Variants in MED15 observed in about 807,000 individuals in gnomAD.
The protein encoded by MED15 is mediator of RNA polymerase II transcription subunit 15.
MED15 carries 41 observed loss-of-function variants against 118.7 expected under a neutral mutation model. The ratio of observed to expected loss-of-function variants is 0.35; its 90% CI spans 0.27 to 0.45. The LOEUF is 0.45. Ranked by LOEUF, MED15 falls within the 20% of genes least tolerant of loss-of-function variation. The pLI is 1.00. For missense variants in MED15, 740 were observed against 1,025.5 expected (o/e 0.72, Z 3.80); for synonymous variants, 436 against 413.9 (o/e 1.05, Z -0.65).
intron 5 of MED15, among the ~76,000 whole-genome samples, chr22:20,562,478 G>A (rs1019035234): frequency 1.6e-4 from 24 of 152,030 alleles, no homozygotes; most frequent in Non-Finnish European, 2.2e-4. Context: ...TCTGCCTCCC[G>A]GGTTCAAGCA....
chr22:20,563,539 C>CA (rs1323095684), intron 5 of MED15, among the ~76,000 whole-genome samples: 5 of 152,188 alleles, frequency 3.3e-5, no homozygotes, highest in Middle Eastern at 3.2e-3. Flanking sequence ...AGAGAGGTGG[C>CA]AACACGAGGG....
At chr22:20,569,370 T>A (rs776873720) in intron 8 of MED15, among the ~76,000 whole-genome samples, 12 of 152,202 alleles carry the variant, frequency 7.9e-5, no homozygotes, top group Non-Finnish European at 1.5e-4. Flanking sequence ...TGGTCCTGAC[T>A]CGGAAGGGGC....
intron 17 of MED15, 71 bp downstream of exon 17, chr22:20,585,897 A>T (rs1601656049): frequency 2.8e-6 from 4 of 1,444,150 alleles, no homozygotes; most frequent in Non-Finnish European, 3.8e-6. Flanking sequence ...CCAGGCTTCC[A>T]CTGCAGCAGG....
At chr22:20,522,785 A>G (rs2054507890) in intron 1 of MED15, 1 of 152,530 alleles carries the variant, frequency 6.6e-6, no homozygotes. Flanking sequence ...TGGAGGCTGG[A>G]TGAAACCTGT....
In MED15 at chr22:20,587,520, T is replaced by G. The variant is rs1237351092; in HGVS notation, c.*816T>G. ...AGCGCCTCCCTATGTTGCCTGCCAC[T>G]CTGGGCACCGGCCAGCACCCTCTGG... On this transcript the variant is annotated 3_prime_UTR_variant, in exon 18 of 18. Coordinates refer to ENST00000263205, the MANE Select transcript of MED15 (RefSeq NM_001003891.3). The G allele has an allele frequency of 7.1e-6, 2 of 280,100 alleles. No homozygotes were observed. The highest frequency in any genetic ancestry group is 4.4e-5 in the African/African-American group (2 of 45,340). The allele number at this position is 280,100 out of a possible 1,614,324, so 17.4% of individuals were successfully genotyped here. A position where few individuals can be genotyped will look rare whatever the true frequency, so the allele number is the denominator to read the frequency against.
chr22:20,559,231 A>T (rs2056135542), intron 5 of MED15, among the ~76,000 whole-genome samples: 1 of 152,212 alleles, frequency 6.6e-6, no homozygotes, highest in Admixed American at 6.5e-5. Flanking sequence ...GCAATGAAGC[A>T]GATTTGAAAC....
chr22:20,556,807 G>C (rs2056030197), intron 5 of MED15, among the ~76,000 whole-genome samples: 1 of 152,148 alleles, frequency 6.6e-6, no homozygotes, highest in Non-Finnish European at 1.5e-5. Context: ...CTGATCTGTT[G>C]TGTGTCTCTG....
At chr22:20,538,764 A>G (rs1185361783) in intron 2 of MED15, among the ~76,000 whole-genome samples, 1 of 151,876 alleles carries the variant, frequency 6.6e-6, no homozygotes, top group East Asian at 1.9e-4. Context: ...CAGTGGCACA[A>G]TCTCAGCTCA....
At chr22:20,552,449 G>T in intron 3 of MED15, 1 of 349,224 alleles carries the variant, frequency 2.9e-6, no homozygotes, top group Non-Finnish European at 5.9e-6. Context: ...CTGTGGTGTT[G>T]GAAAGTCACT....
intron 2 of MED15, among the ~76,000 whole-genome samples, chr22:20,545,102 T>A (rs1225664549): frequency 1.3e-5 from 2 of 152,222 alleles, no homozygotes; most frequent in Non-Finnish European, 2.9e-5. Flanking sequence ...GGACTGTTAT[T>A]TAGCCTGCCA....
chr22:20,582,803 G>T, intron 10 of MED15, 37 bp from the exon 11 acceptor site: 1 of 1,603,560 alleles, frequency 6.2e-7, no homozygotes. Flanking sequence ...GGCCCTGCCT[G>T]GACCCCGGCT....
chr22:20,583,281 G>A, intron 12 of MED15, 34 bp downstream of exon 12: 1 of 1,613,294 alleles, frequency 6.2e-7, no homozygotes, highest in Non-Finnish European at 8.5e-7. Flanking sequence ...CCTGCACCCT[G>A]GGGACACCAC....
chr22:20,586,745 G>T lies in MED15; in HGVS notation c.*41G>T. 1 of 1,606,348 alleles carries T rather than the reference G, an allele frequency of 6.2e-7. No homozygotes were observed. On this transcript the variant is annotated 3_prime_UTR_variant, in exon 18 of 18. Transcript: ENST00000263205. ...TGGCCCGCAGCCTCATCGGGGCCAAGGACACACGCCTCCTGTCAGACACTT... is the reference window on the plus strand; with the variant it reads ...TGGCCCGCAGCCTCATCGGGGCCAATGACACACGCCTCCTGTCAGACACTT...
intron 1 of MED15, chr22:20,522,251 G>C (rs2146375457): frequency 6.6e-6 from 1 of 152,280 alleles, no homozygotes; most frequent in Non-Finnish European, 1.5e-5. Context: ...GTGTCTCTTA[G>C]CATGTTCTGC....
chr22:20,567,972 T>TG (rs1192258062), intron 7 of MED15, among the ~76,000 whole-genome samples: 2 of 152,168 alleles, frequency 1.3e-5, no homozygotes, highest in Non-Finnish European at 2.9e-5. Context: ...CCCAAGTAGC[T>TG]GGGGCTGCAG....
intron 1 of MED15, chr22:20,508,211 G>A: frequency 8.1e-7 from 1 of 1,235,042 alleles, no homozygotes; most frequent in Non-Finnish European, 1.0e-6. Flanking sequence ...TGTTTGGGGT[G>A]TGGGCGGTGG....
chr22:20,585,936 C>T (rs2057122785), intron 17 of MED15, 110 bp downstream of exon 17: 1 of 968,458 alleles, frequency 1.0e-6, no homozygotes, highest in Non-Finnish European at 1.6e-6. Flanking sequence ...CTGCCCCTCC[C>T]CAGCTCAGGC....
chr22:20,572,726 C>T (rs2056703190), intron 8 of MED15, among the ~76,000 whole-genome samples: 1 of 152,130 alleles, frequency 6.6e-6, no homozygotes, highest in African/African-American at 2.4e-5. Context: ...CAAAACTATC[C>T]TGGGCAACAC....
intron 9 of MED15, chr22:20,582,317 C>CT: frequency 1.9e-6 from 1 of 518,094 alleles, no homozygotes; most frequent in Non-Finnish European, 3.4e-6. Context: ...CCAGACTGCC[C>CT]TTTTCCTCAC....
Sources: gnomAD v4.1 joint callset for allele counts (sites outside exome capture counted in the v4.1 genomes callset) on GRCh38, gnomAD v4.1.1 for gene constraint, MANE v1.5 for transcripts, NCBI Gene and HGNC (gene_info 2026-07-23, HGNC 2026-07-21) for gene names.